The following SLC35F2 variants were observed in gnomAD, a reference collection of about 807,000 sequenced individuals.
SLC35F2 encodes queuine/queuosine transporter SLC35F2.
In SLC35F2, 25 loss-of-function variants were observed where a neutral mutation model predicts 38.1. The observed-to-expected ratio is 0.66, with a 90% CI of 0.48 to 0.92. SLC35F2 has a LOEUF of 0.92. Ranked by LOEUF, SLC35F2 falls within the 40% of genes least tolerant of loss-of-function variation. The pLI is 0.00. For synonymous variants in SLC35F2, 173 were observed against 181.7 expected (o/e 0.95, Z 0.38); for missense variants, 409 against 452.9 (o/e 0.90, Z 0.88).
chr11:107,814,614 T>C (rs771580070), intron 2 of SLC35F2, among the ~76,000 whole-genome samples: 6 of 152,126 alleles, frequency 3.9e-5, no homozygotes, highest in Non-Finnish European at 4.4e-5. Flanking sequence ...TCAAAACCCA[T>C]AGAATGCACA....
intron 1 of SLC35F2, among the ~76,000 whole-genome samples, chr11:107,835,100 C>T (rs1029007565): frequency 6.6e-6 from 1 of 152,186 alleles, no homozygotes; most frequent in East Asian, 1.9e-4. Flanking sequence ...AAGAGGCCAA[C>T]AATCAATGCC....
In SLC35F2 at chr11:107,811,804, A is replaced by G. The variant is rs1859484967; in HGVS notation, c.287-10T>C. The G allele has an allele frequency of 6.2e-7, 1 of 1,612,786 alleles. No homozygotes were observed. The highest frequency in any genetic ancestry group is 8.5e-7 in the Non-Finnish European group (1 of 1,179,244). On this transcript the variant is annotated splice_polypyrimidine_tract_variant and intron_variant, in intron 2 of 7. Coordinates refer to ENST00000525815, the MANE Select transcript of SLC35F2 (RefSeq NM_017515.5). The stretch of plus-strand genomic sequence containing the variant: ...AAAAGGTTATCACTGCCTGGTTGAA[A>G]GAAATATGGGTTAGTACATGTTACT...
intron 1 of SLC35F2, among the ~76,000 whole-genome samples, chr11:107,853,805 G>C (rs1330465135): frequency 6.6e-6 from 1 of 150,928 alleles, no homozygotes; most frequent in Non-Finnish European, 1.5e-5. Context: ...TAAAACTCAT[G>C]CCCTTGAAAA....
At chr11:107,801,527 T>C (rs1001959902) in intron 7 of SLC35F2, among the ~76,000 whole-genome samples, 9 of 152,090 alleles carry the variant, frequency 5.9e-5, no homozygotes, top group African/African-American at 2.2e-4. Context: ...TTTTCAGTTA[T>C]AATATGGTAA....
intron 1 of SLC35F2, among the ~76,000 whole-genome samples, chr11:107,851,041 G>A (rs2134861687): frequency 6.6e-6 from 1 of 150,810 alleles, no homozygotes; most frequent in South Asian, 2.1e-4. Context: ...AAGGTGGGCG[G>A]ATCACAAGGT....
At chr11:107,807,672 A>C (rs1859419571) in intron 3 of SLC35F2, among the ~76,000 whole-genome samples, 1 of 151,492 alleles carries the variant, frequency 6.6e-6, no homozygotes, top group African/African-American at 2.4e-5. Context: ...TCTCGGGTTT[A>C]AGCAATTCTT....
At chr11:107,809,102 G>T (rs569545) in intron 3 of SLC35F2, among the ~76,000 whole-genome samples, 71,459 of 151,820 alleles carry the variant, frequency 0.47, 17,288 homozygotes, top group Non-Finnish European at 0.53. Flanking sequence ...CAGACGAAAT[G>T]ATCACACAGT....
At chr11:107,835,077 C>T (rs766276140) in intron 1 of SLC35F2, among the ~76,000 whole-genome samples, 4 of 152,126 alleles carry the variant, frequency 2.6e-5, no homozygotes, top group Non-Finnish European at 5.9e-5. Context: ...GAAAATCAAA[C>T]GGGTGCTAGT....
intron 6 of SLC35F2, 105 bp downstream of exon 6, chr11:107,804,613 G>T (rs1591187051): frequency 1.1e-6 from 1 of 870,552 alleles, no homozygotes; most frequent in Non-Finnish European, 1.8e-6. Flanking sequence ...ATCACTCCTG[G>T]ATTTTACAAA....
chr11:107,822,428 A>T (rs1859687334), intron 1 of SLC35F2, among the ~76,000 whole-genome samples: 1 of 152,176 alleles, frequency 6.6e-6, no homozygotes, highest in Admixed American at 6.6e-5. Context: ...TCATATATTC[A>T]CCAAAGTTCA....
intron 1 of SLC35F2, among the ~76,000 whole-genome samples, chr11:107,826,978 G>C (rs865840071): frequency 4.6e-5 from 7 of 152,082 alleles, no homozygotes; most frequent in South Asian, 4.2e-4. Context: ...GGTTTTCAGT[G>C]CTATGTCCCC....
In SLC35F2 at chr11:107,792,417, T is replaced by C. The variant is rs757632413; in HGVS notation, c.*198A>G. On this transcript the variant is annotated 3_prime_UTR_variant, in exon 8 of 8. Transcript: ENST00000525815. ...TTGGTCCTCAAACACAGAAACACAC[T>C]CTTAGCTTGGTTTCTGCTCTATTTT... 1.7e-6 allele frequency: 1 copy of C among 587,818 alleles called. No homozygotes were observed. The highest frequency in any genetic ancestry group is 2.9e-6 in the Non-Finnish European group (1 of 350,572). The allele number at this position is 587,818 out of a possible 1,614,324, so 36.4% of individuals were successfully genotyped here.
chr11:107,839,705 T>C (rs1475467152), intron 1 of SLC35F2, among the ~76,000 whole-genome samples: 2 of 152,188 alleles, frequency 1.3e-5, no homozygotes, highest in African/African-American at 2.4e-5. Context: ...CCAGGATGGA[T>C]TGCAATGGTG....
chr11:107,847,610 C>T (rs899692184), intron 1 of SLC35F2, among the ~76,000 whole-genome samples: 1 of 152,056 alleles, frequency 6.6e-6, no homozygotes, highest in African/African-American at 2.4e-5. Context: ...AGGCACTCTC[C>T]CAGGCAAGTG....
chr11:107,826,293 T>G (rs1200650466), intron 1 of SLC35F2, among the ~76,000 whole-genome samples: 1 of 150,944 alleles, frequency 6.6e-6, no homozygotes, highest in Admixed American at 6.6e-5. Context: ...TTTTTTTTTT[T>G]GAGATGCAGT....
intron 7 of SLC35F2, among the ~76,000 whole-genome samples, chr11:107,799,704 C>A (rs974212108): frequency 1.3e-5 from 2 of 152,118 alleles, no homozygotes; most frequent in South Asian, 4.2e-4. Flanking sequence ...AATTCTCCTG[C>A]TGGGACTACA....
chr11:107,821,414 C>T, intron 1 of SLC35F2: 5 of 985,274 alleles, frequency 5.1e-6, no homozygotes, highest in Non-Finnish European at 6.0e-6. Flanking sequence ...TCATAATGAC[C>T]TCATCTATAA....
At chr11:107,831,808 T>C (rs567680163) in intron 1 of SLC35F2, among the ~76,000 whole-genome samples, 1 of 152,276 alleles carries the variant, frequency 6.6e-6, no homozygotes, top group East Asian at 1.9e-4. Context: ...GAACTGATCA[T>C]GATGTTCCAG....
chr11:107,822,641 A>T (rs1859691358), intron 1 of SLC35F2, among the ~76,000 whole-genome samples: 1 of 152,130 alleles, frequency 6.6e-6, no homozygotes, highest in Admixed American at 6.5e-5. Flanking sequence ...AAGGGACATT[A>T]TATTCTCCAT....
Sources: gnomAD v4.1 joint callset for allele counts (sites outside exome capture counted in the v4.1 genomes callset) on GRCh38, gnomAD v4.1.1 for gene constraint, MANE v1.5 for transcripts, NCBI Gene and HGNC (gene_info 2026-07-23, HGNC 2026-07-21) for gene names.